The following RIBC2 variants were observed in gnomAD, a reference collection of about 807,000 sequenced individuals.
The protein encoded by RIBC2 is RIB43A domain with coiled-coils 2.
A neutral mutation model predicts 44.3 loss-of-function variants in RIBC2; 40 were observed. The ratio of observed to expected loss-of-function variants is 0.90; its 90% confidence interval spans 0.70 to 1.18. The LOEUF (loss-of-function observed/expected upper bound fraction) is 1.18, where lower values mean the gene tolerates loss of function less well. Ranked by LOEUF, RIBC2 falls within the 50% of genes most tolerant of loss-of-function variation. RIBC2 has a pLI of 0.00. For synonymous variants in RIBC2, 171 were observed against 175.0 expected (o/e 0.98, Z 0.18); for missense variants, 459 against 485.5 (o/e 0.95, Z 0.51).
intron 4 of RIBC2, among the ~76,000 whole-genome samples, chr22:45,423,415 G>A (rs1201389074): frequency 2.0e-5 from 3 of 152,108 alleles, no homozygotes; most frequent in African/African-American, 7.2e-5. Context: ...TAGAACTATG[G>A]TCCCCAAAGA....
intron 3 of RIBC2, among the ~76,000 whole-genome samples, chr22:45,421,763 T>C (rs2087487470): frequency 1.3e-5 from 2 of 151,806 alleles, no homozygotes; most frequent in Non-Finnish European, 1.5e-5. Flanking sequence ...CATTTTGCTT[T>C]TGGACCTTCT....
intron 6 of RIBC2, among the ~76,000 whole-genome samples, chr22:45,431,571 G>A (rs564696716): frequency 6.6e-6 from 1 of 152,274 alleles, no homozygotes; most frequent in African/African-American, 2.4e-5. Flanking sequence ...CTAGCTCTTG[G>A]CTTAAACTCA....
rs1015054523 is a variant in RIBC2, at chr22:45,421,080, G to A, written c.557-1210G>A. ...TGGGAGGCCAAAGTGGGCAAATCAC[G>A]AGGTTAGGAGTTCAAGACCAGCCTG... On this transcript the variant is annotated intron_variant, in intron 3 of 6. Coordinates refer to ENST00000614167, the MANE Select transcript of RIBC2 (RefSeq NM_015653.5). Among the ~76,000 whole-genome samples, 65 of 152,114 alleles carry A rather than the reference G, an allele frequency of 4.3e-4. 1 individual carries two copies. Among genetic ancestry groups the A allele is most frequent in the Middle Eastern group, 6.8e-3 (2 of 294 alleles).
intron 3 of RIBC2, 160 bp downstream of exon 3, chr22:45,418,106 C>G: frequency 1.8e-6 from 1 of 555,980 alleles, no homozygotes; most frequent in Non-Finnish European, 3.1e-6. Context: ...TGTGCACAGA[C>G]AGCCACATGC....
At position 45,425,934 on chromosome 22, in the gene RIBC2, C is replaced by G; in HGVS notation, c.676-14C>G. 1 of 1,608,512 alleles carries G rather than the reference C, an allele frequency of 6.2e-7. No homozygotes were observed. Among genetic ancestry groups the G allele is most frequent in the Non-Finnish European group, 8.5e-7 (1 of 1,176,752 alleles). Reference sequence around the variant, plus strand: ...TCACTCGGACCATCTTCTTTAATGTCTTCACCTGCTTAGGCCATCGAGTCA... The same window carrying G: ...TCACTCGGACCATCTTCTTTAATGTGTTCACCTGCTTAGGCCATCGAGTCA... On this transcript the variant is annotated splice_polypyrimidine_tract_variant and intron_variant, in intron 4 of 6. Coordinates refer to ENST00000614167, the MANE Select transcript of RIBC2 (RefSeq NM_015653.5).
intron 5 of RIBC2, 104 bp from the exon 6 acceptor site, chr22:45,430,796 C>T (rs1250233842): frequency 7.3e-7 from 1 of 1,360,696 alleles, no homozygotes; most frequent in African/African-American, 1.5e-5. Flanking sequence ...CTCTGAGCCT[C>T]AGTTTCCCCA....
chr22:45,413,859 C>A lies in RIBC2; in HGVS notation c.-28C>A. The A allele has an allele frequency of 6.5e-7, 1 of 1,531,284 alleles. No homozygotes were observed. The highest frequency in any genetic ancestry group is 1.2e-5 in the South Asian group (1 of 82,594). The allele number at this position is 1,531,284 out of a possible 1,614,324, so 94.9% of individuals were successfully genotyped here. A position where few individuals can be genotyped will look rare whatever the true frequency, so the allele number is the denominator to read the frequency against. On this transcript the variant is annotated 5_prime_UTR_variant, in exon 1 of 7. Coordinates refer to ENST00000614167, the MANE Select transcript of RIBC2 (RefSeq NM_015653.5). ...TTCGTCGCCTGTTCTCCTGATCCTG[C>A]GTGTTCTAAAAACCCCTTAGGCTTT...
intron 3 of RIBC2, among the ~76,000 whole-genome samples, chr22:45,421,920 C>T (rs5765340): frequency 0.62 from 93,160 of 151,382 alleles, 30,911 homozygotes; most frequent in African/African-American, 0.87. Flanking sequence ...TTCTGGATTC[C>T]CCTGAATCCT....
Position 45,413,956 on chromosome 22 carries a change from A to G in RIBC2, c.70A>G (p.Arg24Gly). ...LRQDANLAKR[R>G]HAELCRQKRV... ...GCAGGACGCCAACCTGGCAAAGAGG[A>G]GGCACGCGGAGCTGTGCAGGCAGAA... Residue 24 changes from arginine (R) to glycine (G), a missense_variant, in exon 1 of 7, where the codon AGG (arginine) becomes GGG (glycine). Coordinates refer to ENST00000614167, the MANE Select transcript of RIBC2 (RefSeq NM_015653.5). The G allele has an allele frequency of 1.9e-6, 3 of 1,551,682 alleles. No individual in the cohort carries two copies. The highest frequency in any genetic ancestry group is 2.6e-6 in the Non-Finnish European group (3 of 1,146,990).
rs532895118 is a variant in RIBC2 at position 45,432,220 on chromosome 22, AAAAAAG to A, written c.1071-60_1071-55del. ...AGTTTGTGTGCCTTTTCAAAAAAAA[AAAAAAG>A]AAAGAATAGGAAGTATACACATTTG... On this transcript the variant is annotated intron_variant, in intron 6 of 6. Coordinates refer to ENST00000614167, the MANE Select transcript of RIBC2 (RefSeq NM_015653.5). The A allele has an allele frequency of 2.8e-3, 2,626 of 935,460 alleles. 38 individuals are homozygous for A. The African/African-American group carries it at 0.038, about 14-fold the overall frequency. The allele number at this position is 935,460 out of a possible 1,614,324, so 57.9% of individuals were successfully genotyped here.
chr22:45,429,479 C>T (rs941891715), intron 5 of RIBC2, among the ~76,000 whole-genome samples: 3 of 152,026 alleles, frequency 2.0e-5, no homozygotes, highest in African/African-American at 4.8e-5. Context: ...TTGGTGTAAG[C>T]TTCTGATCTG....
intron 4 of RIBC2, 26 bp from the exon 5 acceptor site, chr22:45,425,922 C>T: frequency 6.3e-7 from 1 of 1,598,854 alleles, no homozygotes; most frequent in Middle Eastern, 1.7e-4. Context: ...CTCGGACCAT[C>T]TTCTTTAATG....
intron 4 of RIBC2, among the ~76,000 whole-genome samples, chr22:45,423,229 C>T (rs372136449): frequency 2.0e-5 from 3 of 152,100 alleles, no homozygotes; most frequent in South Asian, 4.1e-4. Context: ...GCAGTCCTCC[C>T]GCCTCAGCCT....
chr22:45,424,700 C>T (rs894192592), intron 4 of RIBC2, among the ~76,000 whole-genome samples: 9 of 151,578 alleles, frequency 5.9e-5, no homozygotes, highest in African/African-American at 7.3e-5. Flanking sequence ...GGCTAGTCCC[C>T]GCAGGCTTCC....
At position 45,417,685 on chromosome 22, in the gene RIBC2, A is replaced by G. The variant is rs950077787; in HGVS notation, c.295A>G (p.Ile99Val). 6.2e-7 allele frequency: 1 copy of G among 1,614,198 alleles called. No individual in the cohort carries two copies. The highest frequency in any genetic ancestry group is 8.5e-7 in the Non-Finnish European group (1 of 1,180,010). ...GGATAGGAAAAATCTCTGTAGGGCT[A>G]TCAATGACTTCCAACAGAGCTTTCA... Reference protein sequence around the residue: ...KRDRKNLCRAINDFQQSFQKP... With the variant: ...KRDRKNLCRAVNDFQQSFQKP... Residue 99 changes from isoleucine (I) to valine (V), a missense_variant, in exon 3 of 7, where the codon ATC becomes GTC. Physicochemically the swap from Ile to Val is conservative, Grantham distance 29 (BLOSUM62 3). Transcript: ENST00000614167.
chr22:45,421,535 TTAATAA>T (rs1245395198), intron 3 of RIBC2, among the ~76,000 whole-genome samples: 5 of 34,702 alleles, frequency 1.4e-4, no homozygotes, highest in South Asian at 1.6e-3. Flanking sequence ...AATAGTATTA[TTAATAA>T]TATTAATAAT....
At chr22:45,428,975 A>G (rs566207224) in intron 5 of RIBC2, among the ~76,000 whole-genome samples, 2 of 152,316 alleles carry the variant, frequency 1.3e-5, no homozygotes, top group Non-Finnish European at 2.9e-5. Context: ...GCCTGGGAGC[A>G]TCTGCCATGA....
chr22:45,414,078 G>T, intron 1 of RIBC2, 63 bp downstream of exon 1: 2 of 1,540,252 alleles, frequency 1.3e-6, no homozygotes, highest in Non-Finnish European at 1.8e-6. Context: ...CTGCGTGGAG[G>T]GGGAAAGGAG....
intron 4 of RIBC2, chr22:45,422,628 C>G (rs1171481213): frequency 3.7e-6 from 2 of 546,704 alleles, no homozygotes; most frequent in African/African-American, 3.8e-5. Flanking sequence ...ACCTGCCAAA[C>G]TAGCCATGTA....
Sources: gnomAD v4.1 joint callset for allele counts (sites outside exome capture counted in the v4.1 genomes callset) on GRCh38, gnomAD v4.1.1 for gene constraint, MANE v1.5 for transcripts, NCBI Gene and HGNC (gene_info 2026-07-23, HGNC 2026-07-21) for gene names.